NRP1: variants seen among roughly 807,000 people sequenced by gnomAD.
NRP1 encodes neuropilin 1, also known as neuropilin-1.
A neutral mutation model predicts 106.7 loss-of-function variants in NRP1; 35 were observed. The observed-to-expected ratio is 0.33, with a 90% CI of 0.25 to 0.43. The LOEUF (loss-of-function observed/expected upper bound fraction) is 0.43. Ranked by LOEUF, NRP1 falls within the 20% of genes least tolerant of loss-of-function variation. NRP1 has a pLI of 1.00. For synonymous variants in NRP1, 437 were observed against 417.9 expected (o/e 1.05, Z -0.56); for missense variants, 1,024 against 1,170.4 (o/e 0.87, Z 1.83).
At position 33,213,102 on chromosome 10, in the gene NRP1, C is replaced by T. The variant is rs564977361; in HGVS notation, c.1614+284G>A. ...GCGCTGGCTGGATGGCTGCTGTCAG[C>T]CTTGGGCTTCCCCGTCTCCTGTCTG... is the stretch of plus-strand genomic sequence containing the variant. On this transcript the variant is annotated intron_variant, in intron 9 of 16. Coordinates refer to ENST00000374867, the MANE Select transcript of NRP1 (RefSeq NM_003873.7). The T allele has an allele frequency of 4.2e-5, 32 of 770,530 alleles. No homozygotes were observed. The East Asian group carries it at 8.1e-4, about 19-fold the overall frequency. The allele number at this position is 770,530 out of a possible 1,614,324, so 47.7% of individuals were successfully genotyped here. A position where few individuals can be genotyped will look rare whatever the true frequency, so the allele number is the denominator to read the frequency against.
At chr10:33,244,935 G>T (rs1841307977) in intron 6 of NRP1, among the ~76,000 whole-genome samples, 1 of 152,070 alleles carries the variant, frequency 6.6e-6, no homozygotes, top group Non-Finnish European at 1.5e-5. Flanking sequence ...TGCATTTTGA[G>T]ACCCAATTGT....
rs80156412 is a variant in NRP1, at chr10:33,312,550, A to T, written c.248+18158T>A. Among the ~76,000 whole-genome samples, 888 of 152,390 alleles carry T rather than the reference A, an allele frequency of 5.8e-3. 3 individuals carry two copies. Among genetic ancestry groups the T allele is most frequent in the Non-Finnish European group, 8.9e-3 (607 of 68,040 alleles). ...ATAAATGAATCTGAACGTGGTATTT[A>T]CAGTGTGATTTGCTTCTGAAATAGA... On this transcript the variant is annotated intron_variant, in intron 2 of 16. Transcript: ENST00000374867.
At chr10:33,186,618 G>C (rs976352660) in intron 13 of NRP1, 130 bp from the exon 14 acceptor site, 12 of 1,078,162 alleles carry the variant, frequency 1.1e-5, no homozygotes, top group Middle Eastern at 4.5e-4. Flanking sequence ...TAGTGGAAAG[G>C]GATAAGTGTG....
intron 5 of NRP1, 55 bp from the exon 6 acceptor site, chr10:33,254,249 T>C: frequency 6.7e-7 from 1 of 1,487,848 alleles, no homozygotes; most frequent in Non-Finnish European, 9.0e-7. Context: ...TTAAGATGCA[T>C]TTTTCTTTTT....
chr10:33,265,832 T>C (rs1032178130), intron 3 of NRP1, among the ~76,000 whole-genome samples: 4 of 152,228 alleles, frequency 2.6e-5, no homozygotes, highest in African/African-American at 9.6e-5. Flanking sequence ...GTAGAGATTA[T>C]GACATGTGCT....
chr10:33,294,715 A>G (rs1588941212), intron 2 of NRP1, among the ~76,000 whole-genome samples: 1 of 152,168 alleles, frequency 6.6e-6, no homozygotes, highest in Non-Finnish European at 1.5e-5. Context: ...GAAGATAAGA[A>G]GGAAAATGCC....
intron 8 of NRP1, among the ~76,000 whole-genome samples, chr10:33,216,140 CTTTT>C (rs71521489): frequency 1.4e-5 from 2 of 139,026 alleles, no homozygotes; most frequent in Non-Finnish European, 3.1e-5. Context: ...TTCTTTCTTT[CTTTT>C]TTTTTTTTTT....
chr10:33,256,377 G>A lies in NRP1; in HGVS notation c.753C>T (p.Ser251=), dbSNP rs747799575. 15 of 1,613,998 alleles carry A rather than the reference G, an allele frequency of 9.3e-6. No homozygotes were observed. The East Asian group carries it at 2.2e-4, about 24-fold the overall frequency. Residue 251 remains serine (S), a synonymous_variant, in exon 5 of 17, where the codon AGC becomes AGT. Coordinates refer to ENST00000374867, the MANE Select transcript of NRP1 (RefSeq NM_003873.7). ...GILSMVFYTD[S]AIAKEGFSAN... ...CTGAGAAACCTTCTTTTGCTATCGCGCTGTCGGTGTAAAAAACCATGGAGA... is the reference window on the plus strand; with the variant it reads ...CTGAGAAACCTTCTTTTGCTATCGCACTGTCGGTGTAAAAAACCATGGAGA...
chr10:33,309,957 T>G (rs1431620312), intron 2 of NRP1, among the ~76,000 whole-genome samples: 2 of 151,932 alleles, frequency 1.3e-5, no homozygotes, highest in African/African-American at 2.4e-5. Flanking sequence ...TGCCTTTTTT[T>G]TTTTTTTTGA....
In NRP1 at chr10:33,263,770, A is replaced by G. The variant is rs185477831; in HGVS notation, c.534T>C (p.Phe178=). Residue 178 remains phenylalanine (F), a synonymous_variant, in exon 4 of 17, where the codon TTT becomes TTC. Transcript: ENST00000374867. ...GGATAATCTCTGACATCTTTGGCAC[A>G]AAGACAATATAAGTGCATTCAAGGC... ...PNSLECTYIV[F]VPKMSEIILE... The G allele has an allele frequency of 9.3e-6, 15 of 1,613,908 alleles. No homozygotes were observed. In the African/African-American group the frequency reaches 1.9e-4, roughly 20 times the overall value.
intron 2 of NRP1, among the ~76,000 whole-genome samples, chr10:33,305,853 C>G (rs1194393140): frequency 6.6e-6 from 1 of 152,058 alleles, no homozygotes. Flanking sequence ...ACTGCAACTT[C>G]CGCCTCCTGG....
intron 6 of NRP1, among the ~76,000 whole-genome samples, chr10:33,253,662 T>C (rs1456538464): frequency 6.6e-6 from 1 of 152,072 alleles, no homozygotes; most frequent in Non-Finnish European, 1.5e-5. Flanking sequence ...CATGTCAAAA[T>C]AGGAAGCCCA....
In NRP1 at chr10:33,263,798, T is replaced by C; in HGVS notation, c.506A>G (p.Asn169Ser). 1 of 1,613,982 alleles carries C rather than the reference T, an allele frequency of 6.2e-7. No homozygotes were observed. Among genetic ancestry groups the C allele is most frequent in the East Asian group, 2.2e-5 (1 of 44,876 alleles). The change falls in exon 4 of 17, where the codon AAC becomes AGC. Residue 169 changes from asparagine (N) to serine (S), a missense_variant. Physicochemically the swap from Asn to Ser is conservative, Grantham distance 46. Transcript: ENST00000374867. ...KSPGFPEKYP[N>S]SLECTYIVFV... ...GACAATATAAGTGCATTCAAGGCTG[T>C]TGGGATATTTTTCAGGGAATCCGGG...
chr10:33,289,291 T>G (rs1267703437), intron 2 of NRP1, among the ~76,000 whole-genome samples: 6 of 152,122 alleles, frequency 3.9e-5, no homozygotes, highest in Admixed American at 3.9e-4. Context: ...ACAACATCTC[T>G]TCAGAAGGGC....
At chr10:33,207,972 G>A (rs1181791906) in intron 9 of NRP1, among the ~76,000 whole-genome samples, 2 of 151,952 alleles carry the variant, frequency 1.3e-5, no homozygotes, top group Non-Finnish European at 2.9e-5. Context: ...GTCGCCCAGG[G>A]TGGAGTGCAA....
intron 15 of NRP1, among the ~76,000 whole-genome samples, chr10:33,185,037 C>T (rs1835911354): frequency 6.6e-6 from 1 of 152,170 alleles, no homozygotes; most frequent in African/African-American, 2.4e-5. Context: ...AATTGGTTTT[C>T]TATGTCTTAC....
intron 11 of NRP1, 31 bp from the exon 12 acceptor site, chr10:33,197,740 T>C: frequency 1.4e-6 from 2 of 1,392,440 alleles, no homozygotes; most frequent in Non-Finnish European, 2.0e-6. Context: ...CATGCAAAAA[T>C]AAGAAAACAG....
At chr10:33,284,757 G>A (rs1033544693) in intron 2 of NRP1, among the ~76,000 whole-genome samples, 2 of 152,094 alleles carry the variant, frequency 1.3e-5, no homozygotes, top group African/African-American at 4.8e-5. Context: ...ATTTATATCA[G>A]TAAATTAAAG....
chr10:33,212,025 CA>C (rs1357512013), intron 9 of NRP1: 1 of 152,186 alleles, frequency 6.6e-6, no homozygotes, highest in Non-Finnish European at 1.5e-5. Context: ...GTATCCTTTC[CA>C]AGTTGCTGTT....
Sources: allele counts gnomAD v4.1 joint callset (sites outside exome capture counted in the v4.1 genomes callset), GRCh38; gene constraint gnomAD v4.1.1; transcripts MANE v1.5; gene names NCBI Gene and HGNC (gene_info 2026-07-23, HGNC 2026-07-21).